The following CLNK variants were observed in gnomAD, a reference collection of about 807,000 sequenced individuals.
CLNK encodes cytokine dependent hematopoietic cell linker, also known as cytokine-dependent hematopoietic cell linker.
Under a neutral mutation model 68.6 loss-of-function variants are expected in CLNK, and 74 were observed. The ratio of observed to expected loss-of-function variants is 1.08; its 90% CI spans 0.89 to 1.31. The LOEUF (loss-of-function observed/expected upper bound fraction) is 1.31. CLNK is among the 50% of genes most tolerant of loss of function. The pLI is 0.00. For missense variants in CLNK, 553 were observed against 515.3 expected (o/e 1.07, Z -0.71); for synonymous variants, 198 against 172.2 (o/e 1.15, Z -1.17).
Position 10,490,419 on chromosome 4 carries a change from C to T in CLNK, c.*48G>A. ...AATAAACTTTTGAAATCAATGAAAACAATGGAAGCGCTGAATCCAGTAAAC... is the reference window on the plus strand; with the variant it reads ...AATAAACTTTTGAAATCAATGAAAATAATGGAAGCGCTGAATCCAGTAAAC... On this transcript the variant is annotated 3_prime_UTR_variant, in exon 19 of 19. Coordinates refer to ENST00000226951, the MANE Select transcript of CLNK (RefSeq NM_052964.4). 1 of 1,582,200 alleles carries T rather than the reference C, an allele frequency of 6.3e-7. No individual in the cohort carries two copies. The highest frequency in any genetic ancestry group is 8.6e-7 in the Non-Finnish European group (1 of 1,167,094).
chr4:10,723,919 A>AGAGAGAGAGAGAGAG, the CLNK span, among the ~76,000 whole-genome samples: 27 of 148,076 alleles, frequency 1.8e-4, no homozygotes, highest in South Asian at 4.4e-4. Context: ...AGAGAGAGAG[A>AGAGAGAGAGAGAGAG]AGGCAGGGCA....
rs544802747 is a variant in CLNK, at chr4:10,561,021, A to T, written c.400-2569T>A. 4.5e-3 allele frequency among the ~76,000 whole-genome samples: 678 copies of T among 150,820 alleles called. 4 individuals carry two copies. Among genetic ancestry groups the T allele is most frequent in the African/African-American group, 0.016 (666 of 41,054 alleles). ...AGGTGATCCTCCCACCTCAGCCCCC[A>T]GAGTAGCTGGGACTACAGGCATGCT... On this transcript the variant is annotated intron_variant, in intron 7 of 18. Transcript: ENST00000226951.
chr4:10,710,504 A>T, the CLNK span, among the ~76,000 whole-genome samples: 1,475 of 152,288 alleles, frequency 9.7e-3, 7 homozygotes, highest in East Asian at 0.057. Context: ...TTCTTCAAGA[A>T]GTGATTATGT....
intron 3 of CLNK, among the ~76,000 whole-genome samples, chr4:10,591,564 C>T (rs1409951818): frequency 2.6e-5 from 4 of 152,158 alleles, no homozygotes; most frequent in African/African-American, 9.7e-5. Flanking sequence ...GGGAAATATA[C>T]AAAAGAGGGC....
At chr4:10,576,574 GCTGTCCCTTGAACAGCTCTTCTCGTGT>G (rs1720572921) in intron 4 of CLNK, among the ~76,000 whole-genome samples, 1 of 152,222 alleles carries the variant, frequency 6.6e-6, no homozygotes, top group African/African-American at 2.4e-5. Flanking sequence ...CAGCCCTGTG[GCTGTCCCTTGAACAGCTCTTCTCGTGT>G]CTGCAGAGGT....
chr4:10,597,627 T>C (rs1721434985), intron 3 of CLNK, among the ~76,000 whole-genome samples: 1 of 152,222 alleles, frequency 6.6e-6, no homozygotes. Flanking sequence ...GGTAAACTCG[T>C]GGCTGGATCC....
In CLNK at chr4:10,585,158, T is replaced by C. The variant is rs565048157; in HGVS notation, c.84-203A>G. 1.0e-3 allele frequency among the ~76,000 whole-genome samples: 159 copies of C among 152,276 alleles called. 1 individual carries two copies. The highest frequency in any genetic ancestry group is 3.4e-3 in the African/African-American group (142 of 41,552). ...GTACATATTTCTATTTTCTGGAAAA[T>C]AGCATGTAGAAGAAAATAAAAATTG... On this transcript the variant is annotated intron_variant, in intron 3 of 18. Coordinates refer to ENST00000226951, the MANE Select transcript of CLNK (RefSeq NM_052964.4).
At chr4:10,495,325 G>T (rs947760033) in intron 18 of CLNK, among the ~76,000 whole-genome samples, 1 of 152,130 alleles carries the variant, frequency 6.6e-6, no homozygotes, top group Non-Finnish European at 1.5e-5. Flanking sequence ...CTTAAGCTCC[G>T]CAGGTTGTTT....
At chr4:10,719,551 G>C in the CLNK span, among the ~76,000 whole-genome samples, 1 of 151,814 alleles carries the variant, frequency 6.6e-6, no homozygotes, top group Non-Finnish European at 1.5e-5. Context: ...CAAAGAAACA[G>C]AATTATAAAA....
At chr4:10,562,412 T>C (rs1029540884) in intron 7 of CLNK, among the ~76,000 whole-genome samples, 3 of 152,058 alleles carry the variant, frequency 2.0e-5, no homozygotes, top group Non-Finnish European at 2.9e-5. Context: ...TGTTTGTTTT[T>C]GTTTTTGTTT....
intron 11 of CLNK, among the ~76,000 whole-genome samples, chr4:10,539,158 C>T (rs1364712040): frequency 6.6e-6 from 1 of 152,084 alleles, no homozygotes; most frequent in African/African-American, 2.4e-5. Context: ...CCATTTGAAT[C>T]GAGACTTGAG....
chr4:10,695,413 G>A, the CLNK span, among the ~76,000 whole-genome samples: 1 of 152,202 alleles, frequency 6.6e-6, no homozygotes, highest in Non-Finnish European at 1.5e-5. Context: ...GATTGAAGCT[G>A]TGAAAGCTTG....
intron 2 of CLNK, among the ~76,000 whole-genome samples, chr4:10,667,442 T>A (rs1724444324): frequency 6.7e-6 from 1 of 149,662 alleles, no homozygotes; most frequent in African/African-American, 2.5e-5. Context: ...AGGCACAAAT[T>A]TCGGTGTCTC....
chr4:10,550,485 ACT>A (rs1719404410), intron 8 of CLNK, among the ~76,000 whole-genome samples: 1 of 151,932 alleles, frequency 6.6e-6, no homozygotes, highest in South Asian at 2.1e-4. Flanking sequence ...GCACAGGGAG[ACT>A]CTGTCTCAAA....
intron 15 of CLNK, among the ~76,000 whole-genome samples, chr4:10,515,012 C>T (rs1049980831): frequency 3.3e-5 from 5 of 152,046 alleles, no homozygotes; most frequent in African/African-American, 4.8e-5. Flanking sequence ...CGAGGCGGGT[C>T]GGATCACCTG....
chr4:10,602,003 T>G (rs1397772530), intron 2 of CLNK, among the ~76,000 whole-genome samples: 2 of 152,200 alleles, frequency 1.3e-5, no homozygotes, highest in Admixed American at 6.5e-5. Context: ...TTGCAATCAC[T>G]TCATCTTCTG....
In CLNK at chr4:10,566,189, T is replaced by A. The variant is rs565811761; in HGVS notation, c.151-39A>T. ...AACATTCCAGTGAGTCAAAGGAAGG[T>A]ACAATGTTGACAAAGACAGGCTACA... is the stretch of plus-strand genomic sequence containing the variant. On this transcript the variant is annotated intron_variant, in intron 5 of 18. Coordinates refer to ENST00000226951, the MANE Select transcript of CLNK (RefSeq NM_052964.4). 42 of 1,605,256 alleles carry A rather than the reference T, an allele frequency of 2.6e-5. No individual in the cohort carries two copies. The African/African-American group carries it at 3.3e-4, about 13-fold the overall frequency.
chr4:10,675,604 A>T (rs143387502), intron 1 of CLNK, among the ~76,000 whole-genome samples: 146 of 152,334 alleles, frequency 9.6e-4, no homozygotes, highest in Admixed American at 2.6e-3. Flanking sequence ...ATGAAGAAAA[A>T]AATGCTTTTA....
the CLNK span, among the ~76,000 whole-genome samples, chr4:10,733,768 A>G: frequency 2.0e-4 from 30 of 152,192 alleles, no homozygotes; most frequent in Non-Finnish European, 3.8e-4. Flanking sequence ...ATCACTTTTC[A>G]TAGAATATTA....
Sources: allele counts gnomAD v4.1 joint callset (sites outside exome capture counted in the v4.1 genomes callset), GRCh38; gene constraint gnomAD v4.1.1; transcripts MANE v1.5; gene names NCBI Gene and HGNC (gene_info 2026-07-23, HGNC 2026-07-21).